The following TJP2 variants were observed in gnomAD, a reference collection of about 807,000 sequenced individuals.
TJP2 encodes the protein tight junction protein 2.
TJP2 carries 91 observed loss-of-function variants against 133.1 expected under a neutral mutation model. That is an observed-to-expected ratio of 0.68 (90% CI 0.58 to 0.81). TJP2 has a LOEUF of 0.81. Ranked by LOEUF, TJP2 falls within the 40% of genes least tolerant of loss-of-function variation. The pLI, the probability that TJP2 is intolerant of heterozygous loss-of-function variation, is 0.00. For missense variants in TJP2, 1,541 were observed against 1,565.6 expected (o/e 0.98, Z 0.26); for synonymous variants, 592 against 583.4 (o/e 1.01, Z -0.21).
chr9:69,192,299 A>C (rs1320427323), intron 1 of TJP2, among the ~76,000 whole-genome samples: 1 of 151,896 alleles, frequency 6.6e-6, no homozygotes, highest in Non-Finnish European at 1.5e-5. Context: ...GAAAAAAAAA[A>C]CTTTCATGTT....
intron 1 of TJP2, among the ~76,000 whole-genome samples, chr9:69,203,048 A>T (rs1415476147): frequency 6.6e-6 from 1 of 152,202 alleles, no homozygotes; most frequent in African/African-American, 2.4e-5. Flanking sequence ...GCATGAACTT[A>T]AGGGAAAGAA....
chr9:69,137,826 G>A (rs1018092280), intron 1 of TJP2, among the ~76,000 whole-genome samples: 6 of 152,082 alleles, frequency 3.9e-5, no homozygotes, highest in African/African-American at 1.2e-4. Flanking sequence ...TACTTTGACA[G>A]GTAATATCTC....
chr9:69,139,412 G>C (rs958458422), intron 1 of TJP2, among the ~76,000 whole-genome samples: 4 of 152,154 alleles, frequency 2.6e-5, no homozygotes, highest in Admixed American at 1.3e-4. Flanking sequence ...AATCCAATCT[G>C]TTCTTATAAG....
intron 2 of TJP2, among the ~76,000 whole-genome samples, chr9:69,214,866 CAA>C (rs10672826): frequency 1.5e-5 from 2 of 135,808 alleles, no homozygotes; most frequent in Admixed American, 7.4e-5. Context: ...GACTCCATCT[CAA>C]AAAAAAAAAA....
chr9:69,214,345 C>G (rs562388646), intron 2 of TJP2, among the ~76,000 whole-genome samples: 1 of 152,088 alleles, frequency 6.6e-6, no homozygotes, highest in African/African-American at 2.4e-5. Flanking sequence ...CTTGGCCTCC[C>G]GAAGTGCTGG....
At chr9:69,131,802 T>G (rs987965448) in intron 1 of TJP2, among the ~76,000 whole-genome samples, 1 of 152,160 alleles carries the variant, frequency 6.6e-6, no homozygotes, top group Admixed American at 6.5e-5. Flanking sequence ...CTCTGGTTAA[T>G]GGACAGGACT....
chr9:69,230,788 A>C (rs1829715953), intron 11 of TJP2, among the ~76,000 whole-genome samples: 1 of 152,200 alleles, frequency 6.6e-6, no homozygotes. Flanking sequence ...TAACACTTAC[A>C]AGGCACCTAG....
rs1822245399 is a variant in TJP2 at position 69,123,968 on chromosome 9, C to T, written c.-131+2243C>T. Among the ~76,000 whole-genome samples the T allele has an allele frequency of 2.6e-5, 2 of 75,842 alleles. 1 individual carries two copies. The highest frequency in any genetic ancestry group is 8.0e-5 in the African/African-American group (2 of 24,914). 49.8% of individuals were successfully genotyped at this position (75,842 alleles called of 152,430 possible). On this transcript the variant is annotated intron_variant, in intron 1 of 5. Coordinates refer to the TJP2 transcript ENST00000423935. ...CTGCAAGCTCCACCTCCCAGGTTCACGCCATTCTCCTGCCTCAGCCTCCCG... is the reference window on the plus strand; with the variant it reads ...CTGCAAGCTCCACCTCCCAGGTTCATGCCATTCTCCTGCCTCAGCCTCCCG...
At chr9:69,122,766 G>A (rs892703185) in intron 1 of TJP2, among the ~76,000 whole-genome samples, 1 of 152,172 alleles carries the variant, frequency 6.6e-6, no homozygotes, top group East Asian at 1.9e-4. Flanking sequence ...CCCAGTCCCA[G>A]AGGTGGGCGA....
intron 7 of TJP2, among the ~76,000 whole-genome samples, chr9:69,226,892 A>G (rs1829393297): frequency 6.6e-6 from 1 of 152,258 alleles, no homozygotes; most frequent in African/African-American, 2.4e-5. Flanking sequence ...AAAAGAATCA[A>G]AATGGCTAAT....
intron 20 of TJP2, 119 bp from the exon 21 acceptor site, chr9:69,250,916 A>G (rs1831283771): frequency 3.8e-6 from 4 of 1,066,052 alleles, no homozygotes; most frequent in East Asian, 2.4e-5. Context: ...CCTTGTCAGA[A>G]TGGTATTTGT....
chr9:69,250,424 G>A (rs1831248288), intron 20 of TJP2, among the ~76,000 whole-genome samples: 1 of 152,170 alleles, frequency 6.6e-6, no homozygotes, highest in Non-Finnish European at 1.5e-5. Flanking sequence ...ATTTAGATGA[G>A]AAGAAAGCCA....
At chr9:69,215,817 C>T (rs1449708723) in intron 2 of TJP2, among the ~76,000 whole-genome samples, 1 of 152,074 alleles carries the variant, frequency 6.6e-6, no homozygotes, top group Admixed American at 6.6e-5. Context: ...ACAGGAGGCT[C>T]ATTTGAGCCC....
chr9:69,227,292 T>A (rs374079547), intron 7 of TJP2, among the ~76,000 whole-genome samples: 2 of 152,186 alleles, frequency 1.3e-5, no homozygotes, highest in East Asian at 1.9e-4. Context: ...TCCTTGCTAC[T>A]CAGTATGTGG....
chr9:69,237,624 C>G (rs535318684), intron 14 of TJP2, among the ~76,000 whole-genome samples: 1 of 86,634 alleles, frequency 1.2e-5, no homozygotes, highest in Non-Finnish European at 2.5e-5. Context: ...TGAGTTTAGT[C>G]TGGGCAACAT....
intron 1 of TJP2, among the ~76,000 whole-genome samples, chr9:69,174,899 A>G (rs1331771189): frequency 7.3e-6 from 1 of 137,104 alleles, no homozygotes; most frequent in African/African-American, 2.8e-5. Flanking sequence ...CTGTAATAGA[A>G]GTAAAAGTTG....
intron 1 of TJP2, among the ~76,000 whole-genome samples, chr9:69,146,489 A>G (rs1042451725): frequency 1.3e-5 from 2 of 152,252 alleles, no homozygotes; most frequent in African/African-American, 2.4e-5. Flanking sequence ...GTACTGATCA[A>G]CTTGCATCTG....
chr9:69,129,352 A>C (rs571278314), intron 1 of TJP2, among the ~76,000 whole-genome samples: 1 of 152,014 alleles, frequency 6.6e-6, no homozygotes, highest in South Asian at 2.1e-4. Context: ...CTCTACTAAA[A>C]ATATGAAAAA....
At chr9:69,247,217 G>A (rs1168571755) in intron 18 of TJP2, among the ~76,000 whole-genome samples, 1 of 152,220 alleles carries the variant, frequency 6.6e-6, no homozygotes, top group African/African-American at 2.4e-5. Flanking sequence ...AATAAGGTTG[G>A]TTGAGAATGT....
Sources: gnomAD v4.1 joint callset for allele counts (sites outside exome capture counted in the v4.1 genomes callset) on GRCh38, gnomAD v4.1.1 for gene constraint, MANE v1.5 for transcripts, NCBI Gene and HGNC (gene_info 2026-07-23, HGNC 2026-07-21) for gene names.